The following PKD1L1 variants were observed in gnomAD, a reference collection of about 807,000 sequenced individuals.
PKD1L1 encodes the protein polycystin 1 like 1, transient receptor potential channel interacting.
PKD1L1 carries 236 observed loss-of-function variants against 323.4 expected under a neutral mutation model. The ratio of observed to expected loss-of-function variants is 0.73; its 90% CI spans 0.66 to 0.81. The LOEUF (loss-of-function observed/expected upper bound fraction) is 0.81, where lower values mean the gene tolerates loss of function less well. Among genes scored for constraint, PKD1L1 ranks in the 40% least tolerant of loss-of-function variants. PKD1L1 has a pLI of 0.00. For missense variants in PKD1L1, 3,320 were observed against 3,508.0 expected (o/e 0.95, Z 1.35); for synonymous variants, 1,344 against 1,335.0 (o/e 1.01, Z -0.15).
chr7:47,945,131 G>A (rs1788069059), intron 1 of PKD1L1, among the ~76,000 whole-genome samples: 1 of 152,112 alleles, frequency 6.6e-6, no homozygotes, highest in Non-Finnish European at 1.5e-5. Context: ...CCTACTTCAC[G>A]GGGCTGCTGC....
intron 1 of PKD1L1, among the ~76,000 whole-genome samples, chr7:47,947,353 G>A (rs929153602): frequency 2.0e-5 from 3 of 152,248 alleles, no homozygotes; most frequent in Admixed American, 2.0e-4. Context: ...TGTGACAACA[G>A]GGGTACTCAG....
At chr7:47,854,206 G>C (rs1785847745) in intron 30 of PKD1L1, among the ~76,000 whole-genome samples, 1 of 152,130 alleles carries the variant, frequency 6.6e-6, no homozygotes, top group African/African-American at 2.4e-5. Context: ...ATACAGCCTT[G>C]CTCACGAGAA....
chr7:47,943,172 ATATATATATATATATATATATATATG>A (rs1375210662), intron 2 of PKD1L1, among the ~76,000 whole-genome samples, 198 bp downstream of exon 2: 8 of 27,930 alleles, frequency 2.9e-4, no homozygotes, highest in African/African-American at 1.3e-3. Context: ...AAATATATAT[ATATATATATATATATATATATATATG>A]TGTGTGTACC....
intron 56 of PKD1L1, among the ~76,000 whole-genome samples, chr7:47,783,922 G>A (rs1274056062): frequency 6.6e-6 from 1 of 152,170 alleles, no homozygotes; most frequent in African/African-American, 2.4e-5. Context: ...AAAGAAGCCA[G>A]CCGACAGTGT....
chr7:47,818,289 G>A, intron 46 of PKD1L1: 1 of 989,786 alleles, frequency 1.0e-6, no homozygotes, highest in Non-Finnish European at 1.3e-6. Flanking sequence ...GGGAGGGTAG[G>A]AAAGAGGCAA....
chr7:47,789,393 G>A (rs532987925), intron 56 of PKD1L1, among the ~76,000 whole-genome samples: 2 of 152,148 alleles, frequency 1.3e-5, no homozygotes, highest in South Asian at 2.1e-4. Context: ...TTTTGTATAT[G>A]AATTGTACTC....
chr7:47,866,251 A>C lies in PKD1L1; in HGVS notation c.4092+168T>G, dbSNP rs10951932. Among the ~76,000 whole-genome samples the C allele has an allele frequency of 0.32, 49,150 of 152,068 alleles. 8,496 individuals carry two copies. The highest frequency in any genetic ancestry group is 0.43 in the African/African-American group (17,729 of 41,468). ...TTCATTTGTGATACATATGAGCTGA[A>C]TAGAGAGACCACAGCCATGTATGGG... On this transcript the variant is annotated intron_variant, in intron 25 of 56. Coordinates refer to ENST00000289672, the MANE Select transcript of PKD1L1 (RefSeq NM_138295.5).
chr7:47,780,766 T>A (rs1223966326), intron 56 of PKD1L1, among the ~76,000 whole-genome samples: 1 of 152,198 alleles, frequency 6.6e-6, no homozygotes, highest in Non-Finnish European at 1.5e-5. Context: ...CTTTATTGCT[T>A]AGTAGCATTC....
chr7:47,928,800 A>G (rs1335848970), intron 7 of PKD1L1, among the ~76,000 whole-genome samples: 5 of 152,110 alleles, frequency 3.3e-5, no homozygotes, highest in African/African-American at 1.2e-4. Context: ...ATTCATATAG[A>G]ACATTGTGTG....
At chr7:47,866,329 A>G in intron 25 of PKD1L1, 90 bp downstream of exon 25, 1 of 1,393,028 alleles carries the variant, frequency 7.2e-7, no homozygotes, top group Non-Finnish European at 9.8e-7. Flanking sequence ...TTTCATAAGC[A>G]TGACCACTTG....
chr7:47,866,052 G>A (rs1446569443), intron 25 of PKD1L1, among the ~76,000 whole-genome samples: 1 of 152,218 alleles, frequency 6.6e-6, no homozygotes, highest in Admixed American at 6.5e-5. Flanking sequence ...CTGTGAGCAA[G>A]TACAGTCACA....
intron 7 of PKD1L1, among the ~76,000 whole-genome samples, chr7:47,920,443 A>C (rs572063729): frequency 6.6e-6 from 1 of 152,350 alleles, no homozygotes; most frequent in Non-Finnish European, 1.5e-5. Flanking sequence ...AGTAGAATCA[A>C]TATTGTGAAA....
At chr7:47,787,409 C>T (rs145509357) in intron 56 of PKD1L1, among the ~76,000 whole-genome samples, 199 of 152,290 alleles carry the variant, frequency 1.3e-3, no homozygotes, top group African/African-American at 4.7e-3. Context: ...TGCATTGTTG[C>T]TGAAAACGTC....
chr7:47,951,415 TTA>T (rs1788202815), upstream of PKD1L1, among the ~76,000 whole-genome samples: 1 of 152,224 alleles, frequency 6.6e-6, no homozygotes. Context: ...GATTTAATAC[TTA>T]GTTTCTAAAA....
intron 25 of PKD1L1, 88 bp from the exon 26 acceptor site, chr7:47,865,360 G>T: frequency 1.7e-6 from 2 of 1,161,192 alleles, no homozygotes; most frequent in South Asian, 1.3e-5. Context: ...GCTTGCCTAT[G>T]TAGAAATAGT....
intron 19 of PKD1L1, among the ~76,000 whole-genome samples, chr7:47,882,532 T>C (rs1470938518): frequency 6.6e-6 from 1 of 151,770 alleles, no homozygotes; most frequent in East Asian, 2.0e-4. Flanking sequence ...GAGAGAGTGG[T>C]GTGGAAAGGA....
At position 47,929,326 on chromosome 7, in the gene PKD1L1, T is replaced by C. The variant is rs150940974; in HGVS notation, c.938A>G (p.His313Arg). 892 of 1,614,050 alleles carry C rather than the reference T, an allele frequency of 5.5e-4. 1 individual carries two copies. Among genetic ancestry groups the C allele is most frequent in the Non-Finnish European group, 6.9e-4 (819 of 1,180,040 alleles). ...ACAGAGAGCCTCTCCAGAAGCCATA[T>C]GAACACGGAATCCCAGATTTGGAGG... ...RAPPNLGFRV[H>R]MASGEALCLM... Residue 313 changes from histidine to arginine, a missense_variant, in exon 7 of 57, where the codon CAT becomes CGT. Physicochemically the swap from His to Arg is conservative, Grantham distance 29. Transcript: ENST00000289672.
At chr7:47,833,933 T>C (rs904314811) in intron 40 of PKD1L1, among the ~76,000 whole-genome samples, 1 of 152,194 alleles carries the variant, frequency 6.6e-6, no homozygotes, top group Admixed American at 6.5e-5. Flanking sequence ...AGCACCCTCC[T>C]CACAAGGAGG....
chr7:47,825,429 G>C (rs1440713737), intron 45 of PKD1L1, among the ~76,000 whole-genome samples: 2 of 151,898 alleles, frequency 1.3e-5, no homozygotes, highest in East Asian at 3.9e-4. Flanking sequence ...TACTTGGGAG[G>C]CTGAGGCAGG....
Sources: gnomAD v4.1 joint callset for allele counts (sites outside exome capture counted in the v4.1 genomes callset) on GRCh38, gnomAD v4.1.1 for gene constraint, MANE v1.5 for transcripts, NCBI Gene and HGNC (gene_info 2026-07-23, HGNC 2026-07-21) for gene names.